Variants in PLEKHA2 observed in about 807,000 individuals in gnomAD.
PLEKHA2 encodes pleckstrin homology domain-containing family A member 2.
A neutral mutation model predicts 53.2 loss-of-function variants in PLEKHA2; 28 were observed. That is an observed-to-expected ratio of 0.53 (90% CI 0.39 to 0.72). The LOEUF (loss-of-function observed/expected upper bound fraction) is 0.72. PLEKHA2 is among the 30% of genes least tolerant of loss of function. The probability of loss-of-function intolerance (pLI) is 0.00; values close to 1 mark genes in which losing one functional copy is unlikely to be tolerated. For synonymous variants in PLEKHA2, 193 were observed against 196.4 expected (o/e 0.98, Z 0.14); for missense variants, 426 against 537.9 (o/e 0.79, Z 2.06).
At chr8:38,928,949 G>C (rs1050666881) in intron 2 of PLEKHA2, among the ~76,000 whole-genome samples, 5 of 152,180 alleles carry the variant, frequency 3.3e-5, no homozygotes, top group South Asian at 2.1e-4. Context: ...CCCTGCTTTG[G>C]TTGCTCATGT....
At chr8:38,929,354 G>A (rs1232247471) in intron 2 of PLEKHA2, among the ~76,000 whole-genome samples, 1 of 152,222 alleles carries the variant, frequency 6.6e-6, no homozygotes, top group Non-Finnish European at 1.5e-5. Flanking sequence ...ACAAGTTCCT[G>A]CCCTGCCCAG....
At chr8:38,939,630 A>T (rs1018837211) in intron 3 of PLEKHA2, among the ~76,000 whole-genome samples, 88 of 152,332 alleles carry the variant, frequency 5.8e-4, no homozygotes, top group African/African-American at 2.1e-3. Context: ...CTGGCTAATC[A>T]GTTGTGGTCA....
chr8:38,962,891 T>C (rs1242731154), intron 10 of PLEKHA2, among the ~76,000 whole-genome samples: 1 of 152,094 alleles, frequency 6.6e-6, no homozygotes, highest in Non-Finnish European at 1.5e-5. Flanking sequence ...TGATGTCACC[T>C]AGAACTATGT....
chr8:38,961,708 T>C (rs1051065116), intron 10 of PLEKHA2, among the ~76,000 whole-genome samples: 17 of 152,194 alleles, frequency 1.1e-4, no homozygotes, highest in African/African-American at 4.1e-4. Flanking sequence ...AAAGAACCGT[T>C]CATCCTGAGT....
At chr8:38,928,812 G>T (rs1834335397) in intron 2 of PLEKHA2, among the ~76,000 whole-genome samples, 1 of 152,210 alleles carries the variant, frequency 6.6e-6, no homozygotes, top group Non-Finnish European at 1.5e-5. Flanking sequence ...CTATCAGCGT[G>T]TCGTGTGTCC....
chr8:38,917,214 A>G (rs902609624), intron 1 of PLEKHA2, among the ~76,000 whole-genome samples: 1 of 151,908 alleles, frequency 6.6e-6, no homozygotes, highest in Non-Finnish European at 1.5e-5. Context: ...TTTTTCTCCC[A>G]TTCTGTGGGT....
chr8:38,970,103 T>C lies in PLEKHA2; in HGVS notation c.*320T>C. 2 of 466,448 alleles carry C rather than the reference T, an allele frequency of 4.3e-6. No individual in the cohort carries two copies. The highest frequency in any genetic ancestry group is 7.4e-6 in the Non-Finnish European group (2 of 269,552). 28.9% of individuals were successfully genotyped at this position (466,448 alleles called of 1,614,324 possible). On this transcript the variant is annotated 3_prime_UTR_variant, in exon 12 of 12. Coordinates refer to ENST00000617275, the MANE Select transcript of PLEKHA2 (RefSeq NM_021623.2). ...AGGTCTTCCTGGAGAGGGATTGTTT[T>C]AGCAGCTCCTCTCCAGAGGGGGCTG...
chr8:38,946,277 A>C, intron 5 of PLEKHA2, 56 bp downstream of exon 5: 2 of 1,458,940 alleles, frequency 1.4e-6, no homozygotes, highest in Non-Finnish European at 9.4e-7. Context: ...TTCCCAGGCT[A>C]TGGCCTTGTT....
In PLEKHA2 at chr8:38,970,204, G is replaced by C. The variant is rs1835221603; in HGVS notation, c.*421G>C. Reference sequence around the variant, plus strand: ...GTTTTTTCATTTTGTTTTCAGTCCAGGTGCCTCGCAGCTCTTTTGGAATGG... The same window carrying C: ...GTTTTTTCATTTTGTTTTCAGTCCACGTGCCTCGCAGCTCTTTTGGAATGG... On this transcript the variant is annotated 3_prime_UTR_variant, in exon 12 of 12. Coordinates refer to ENST00000617275, the MANE Select transcript of PLEKHA2 (RefSeq NM_021623.2). 2.3e-5 allele frequency: 10 copies of C among 434,110 alleles called. No homozygotes were observed. Among genetic ancestry groups the C allele is most frequent in the Admixed American group, 8.4e-5 (2 of 23,860 alleles). 26.9% of individuals were successfully genotyped at this position (434,110 alleles called of 1,614,324 possible).
At chr8:38,943,649 G>T in intron 3 of PLEKHA2, 140 bp from the exon 4 acceptor site, 1 of 648,814 alleles carries the variant, frequency 1.5e-6, no homozygotes, top group Non-Finnish European at 2.5e-6. Flanking sequence ...GATGAGTACA[G>T]GGTTTTCATT....
At chr8:38,932,053 C>T (rs904359983) in intron 2 of PLEKHA2, among the ~76,000 whole-genome samples, 5 of 152,094 alleles carry the variant, frequency 3.3e-5, no homozygotes, top group Non-Finnish European at 5.9e-5. Context: ...TGCAGTGACA[C>T]GATCATAGCT....
intron 1 of PLEKHA2, 97 bp downstream of exon 1, chr8:38,901,542 G>A (rs1833784776): frequency 6.6e-6 from 1 of 152,126 alleles, no homozygotes; most frequent in African/African-American, 2.4e-5. Flanking sequence ...CCCGGCGGAG[G>A]CCTGGCGGCC....
intron 2 of PLEKHA2, among the ~76,000 whole-genome samples, chr8:38,918,273 CCA>C (rs1203474400): frequency 2.0e-5 from 3 of 151,216 alleles, no homozygotes; most frequent in Non-Finnish European, 3.0e-5. Context: ...CCCATACACA[CCA>C]CACACACGCA....
chr8:38,962,950 G>A (rs563361578), intron 10 of PLEKHA2, among the ~76,000 whole-genome samples: 4 of 152,328 alleles, frequency 2.6e-5, no homozygotes, highest in South Asian at 2.1e-4. Context: ...TCTAGAGATG[G>A]CACTAGTTCT....
chr8:38,964,349 T>C (rs1332459931), intron 10 of PLEKHA2, among the ~76,000 whole-genome samples: 2 of 152,148 alleles, frequency 1.3e-5, no homozygotes, highest in Non-Finnish European at 2.9e-5. Context: ...AGAGCAAACA[T>C]TATCGCCTGA....
chr8:38,948,429 C>T (rs888519734), intron 5 of PLEKHA2, among the ~76,000 whole-genome samples: 1 of 152,152 alleles, frequency 6.6e-6, no homozygotes, highest in African/African-American at 2.4e-5. Flanking sequence ...CTTATCAGTG[C>T]ATTGCCTGGC....
intron 2 of PLEKHA2, among the ~76,000 whole-genome samples, chr8:38,925,837 A>G: frequency 6.6e-6 from 1 of 152,258 alleles, no homozygotes; most frequent in East Asian, 1.9e-4. Flanking sequence ...TTTTTTTAAA[A>G]AAACGTGAAA....
intron 2 of PLEKHA2, among the ~76,000 whole-genome samples, chr8:38,933,096 A>G (rs118090790): frequency 2.2e-3 from 335 of 152,276 alleles, no homozygotes; most frequent in Non-Finnish European, 2.7e-3. Flanking sequence ...TAGTGTCCGA[A>G]TGGTTCCCCA....
At chr8:38,942,255 T>G (rs2129420467) in intron 3 of PLEKHA2, among the ~76,000 whole-genome samples, 1 of 151,712 alleles carries the variant, frequency 6.6e-6, no homozygotes, top group Admixed American at 6.6e-5. Context: ...AATGGAAAAA[T>G]TAGCTGGGTG....
Sources: gnomAD v4.1 joint callset for allele counts (sites outside exome capture counted in the v4.1 genomes callset) on GRCh38, gnomAD v4.1.1 for gene constraint, MANE v1.5 for transcripts, NCBI Gene and HGNC (gene_info 2026-07-23, HGNC 2026-07-21) for gene names.